Variants in SBF2 observed in about 807,000 individuals in gnomAD.
The protein encoded by SBF2 is SET binding factor 2.
SBF2 carries 112 observed loss-of-function variants against 225.2 expected under a neutral mutation model. That is an observed-to-expected ratio of 0.50 (90% CI 0.43 to 0.58). The LOEUF (loss-of-function observed/expected upper bound fraction) is 0.58, where lower values mean the gene tolerates loss of function less well. SBF2 is among the 20% of genes least tolerant of loss of function. SBF2 has a pLI of 0.00. For missense variants in SBF2, 1,996 were observed against 2,206.2 expected, an observed-to-expected ratio of 0.90 and a Z score of 1.91; for synonymous variants, 763 against 773.3, an observed-to-expected ratio of 0.99 and a Z score of 0.22.
chr11:9,923,187 C>T (rs1482797009), intron 16 of SBF2, among the ~76,000 whole-genome samples: 2 of 152,260 alleles, frequency 1.3e-5, no homozygotes, highest in East Asian at 1.9e-4. Flanking sequence ...GAAGCCTGTA[C>T]TTCTTCCCCA....
intron 2 of SBF2, among the ~76,000 whole-genome samples, chr11:10,133,577 C>A (rs1378961188): frequency 7.2e-6 from 1 of 138,354 alleles, no homozygotes; most frequent in Non-Finnish European, 1.7e-5. Flanking sequence ...CCAGGGCCAG[C>A]AGGGCTGCCT....
At chr11:9,855,420 T>G (rs1689455194) in intron 19 of SBF2, among the ~76,000 whole-genome samples, 1 of 151,914 alleles carries the variant, frequency 6.6e-6, no homozygotes, top group African/African-American at 2.4e-5. Flanking sequence ...GAAGAGGAAT[T>G]GAGAATGGGA....
At chr11:10,236,584 C>T (rs549622429) in intron 1 of SBF2, among the ~76,000 whole-genome samples, 8 of 151,714 alleles carry the variant, frequency 5.3e-5, no homozygotes, top group South Asian at 2.1e-4. Context: ...CTCAGCCTCC[C>T]GAGTAGCTGG....
intron 17 of SBF2, among the ~76,000 whole-genome samples, chr11:9,866,021 A>G (rs922298319): frequency 6.6e-6 from 1 of 152,204 alleles, no homozygotes; most frequent in African/African-American, 2.4e-5. Flanking sequence ...TTTCAGTACC[A>G]TTTAGTAGGG....
upstream of SBF2, among the ~76,000 whole-genome samples, chr11:10,297,771 C>T (rs1389424189): frequency 1.3e-5 from 2 of 152,234 alleles, no homozygotes; most frequent in African/African-American, 4.8e-5. Context: ...GAGATTTTAA[C>T]ATATCCTAGG....
chr11:9,910,010 A>C (rs975698274), intron 16 of SBF2, among the ~76,000 whole-genome samples: 1 of 152,238 alleles, frequency 6.6e-6, no homozygotes, highest in Non-Finnish European at 1.5e-5. Flanking sequence ...TACATGCAAA[A>C]TCAGTTCCAC....
intron 2 of SBF2, among the ~76,000 whole-genome samples, chr11:10,123,691 A>C (rs542842351): frequency 1.4e-4 from 21 of 152,268 alleles, no homozygotes; most frequent in African/African-American, 5.1e-4. Context: ...TTACAAAAAA[A>C]AAAAGAAAAA....
chr11:10,299,237 C>G (rs1052005049), intron 1 of SBF2, among the ~76,000 whole-genome samples: 4 of 147,908 alleles, frequency 2.7e-5, no homozygotes, highest in Non-Finnish European at 4.4e-5. Flanking sequence ...ACTCAGGAGG[C>G]TGAGGCAAAA....
intron 1 of SBF2, among the ~76,000 whole-genome samples, chr11:10,262,020 T>C (rs890259598): frequency 9.9e-5 from 15 of 152,178 alleles, no homozygotes; most frequent in African/African-American, 2.9e-4. Context: ...TCTTAATACA[T>C]GTTTAAATTA....
chr11:10,018,214 T>C (rs116849348), intron 6 of SBF2, among the ~76,000 whole-genome samples: 7 of 152,244 alleles, frequency 4.6e-5, no homozygotes, highest in Non-Finnish European at 1.0e-4. Context: ...ATTACTGAAC[T>C]ACTGAGATAT....
chr11:10,131,561 G>A (rs888593345), intron 2 of SBF2, among the ~76,000 whole-genome samples: 15 of 152,090 alleles, frequency 9.9e-5, no homozygotes, highest in African/African-American at 3.6e-4. Context: ...AGCCTCCCAA[G>A]TAGCTGGGAC....
intron 17 of SBF2, among the ~76,000 whole-genome samples, chr11:9,865,094 T>G (rs1167864381): frequency 2.6e-5 from 4 of 152,086 alleles, no homozygotes; most frequent in Admixed American, 6.6e-5. Context: ...AACAAAATTT[T>G]TGTAGAGATA....
Position 9,796,054 on chromosome 11 carries a change from TTCAG to T in SBF2, c.4444-101_4444-98del, listed in dbSNP as rs1290806338. 5 of 1,206,722 alleles carry T rather than the reference TTCAG, an allele frequency of 4.1e-6. No individual in the cohort carries two copies. The African/African-American group carries it at 4.5e-5, about 11-fold the overall frequency. The allele number at this position is 1,206,722 out of a possible 1,614,324, so 74.8% of individuals were successfully genotyped here. On this transcript the variant is annotated intron_variant, in intron 32 of 39. Coordinates refer to ENST00000256190, the MANE Select transcript of SBF2 (RefSeq NM_030962.4). ...CTTAACTGAAACATGCAGGAGACCA[TTCAG>T]TCATTCACTCAACAAATACCTGAAT...
intron 2 of SBF2, among the ~76,000 whole-genome samples, chr11:10,046,528 A>T (rs1949866539): frequency 6.6e-6 from 1 of 152,128 alleles, no homozygotes. Flanking sequence ...GATCATACCA[A>T]TAGATGCAGA....
At chr11:10,231,233 T>C (rs1329639726) in intron 1 of SBF2, among the ~76,000 whole-genome samples, 1 of 152,194 alleles carries the variant, frequency 6.6e-6, no homozygotes, top group African/African-American at 2.4e-5. Flanking sequence ...TCAAGGTTTT[T>C]AACTTCTTTG....
At chr11:10,049,548 A>G (rs1229632813) in intron 2 of SBF2, among the ~76,000 whole-genome samples, 2 of 152,192 alleles carry the variant, frequency 1.3e-5, no homozygotes, top group African/African-American at 2.4e-5. Context: ...CGGATGTTGC[A>G]GTGAGCAAAG....
At chr11:10,185,515 G>A (rs1216765151) in intron 2 of SBF2, among the ~76,000 whole-genome samples, 2 of 151,874 alleles carry the variant, frequency 1.3e-5, no homozygotes, top group South Asian at 2.1e-4. Flanking sequence ...TTGCAGTGGT[G>A]CAAATCATAG....
intron 29 of SBF2, 136 bp from the exon 30 acceptor site, chr11:9,812,844 T>G: frequency 3.6e-6 from 3 of 843,260 alleles, no homozygotes; most frequent in South Asian, 1.5e-5. Flanking sequence ...GTCAAGAAAG[T>G]CAATCTTGTA....
intron 2 of SBF2, among the ~76,000 whole-genome samples, chr11:10,107,729 C>T (rs57618276): frequency 0.18 from 27,112 of 152,142 alleles, 2,594 homozygotes; most frequent in East Asian, 0.29. Flanking sequence ...CTTTATGTCT[C>T]CTCCCCTCTC....
Sources: allele counts gnomAD v4.1 joint callset (sites outside exome capture counted in the v4.1 genomes callset), GRCh38; gene constraint gnomAD v4.1.1; transcripts MANE v1.5; gene names NCBI Gene and HGNC (gene_info 2026-07-23, HGNC 2026-07-21).